CLTC: variants seen among roughly 807,000 people sequenced by gnomAD.
CLTC encodes the protein clathrin heavy chain.
In CLTC, 16 loss-of-function variants were observed where a neutral mutation model predicts 195.8. The ratio of observed to expected loss-of-function variants is 0.08; its 90% confidence interval spans 0.06 to 0.12. The LOEUF (loss-of-function observed/expected upper bound fraction) is 0.12, where lower values mean the gene tolerates loss of function less well. Ranked by LOEUF, CLTC falls within the 10% of genes least tolerant of loss-of-function variation. The pLI, the probability that CLTC is intolerant of heterozygous loss-of-function variation, is 1.00. For synonymous variants in CLTC, 667 were observed against 689.4 expected, an observed-to-expected ratio of 0.97 and a Z score of 0.51; for missense variants, 796 against 2,027.0, an observed-to-expected ratio of 0.39 and a Z score of 11.66.
intron 1 of CLTC, among the ~76,000 whole-genome samples, chr17:59,625,239 G>A (rs1197046600): frequency 1.3e-5 from 2 of 151,640 alleles, no homozygotes; most frequent in African/African-American, 2.4e-5. Flanking sequence ...CTCCCGAGTC[G>A]CTGGGACTAC....
intron 1 of CLTC, among the ~76,000 whole-genome samples, chr17:59,630,623 CTATGGATTTACCTGT>C (rs1243506198): frequency 4.6e-5 from 7 of 152,178 alleles, no homozygotes; most frequent in Non-Finnish European, 7.3e-5. Flanking sequence ...CTTTTTGTCT[CTATGGATTTACCTGT>C]TCTGGATATT....
At position 59,620,117 on chromosome 17, in the gene CLTC, AC is replaced by A; in HGVS notation, c.-10del. On this transcript the variant is annotated 5_prime_UTR_variant, in exon 1 of 32. Coordinates refer to ENST00000269122, the MANE Select transcript of CLTC (RefSeq NM_004859.4). ...GCCCCAGTGACAGGAGGAGACCATA[AC>A]CCCCGACAGCGCCATGGCCCAGATT... The A allele has an allele frequency of 6.2e-7, 1 of 1,613,088 alleles. No homozygotes were observed. The highest frequency in any genetic ancestry group is 8.5e-7 in the Non-Finnish European group (1 of 1,179,672).
At chr17:59,692,940 A>G (rs1401832914) in intron 31 of CLTC, among the ~76,000 whole-genome samples, 4 of 152,072 alleles carry the variant, frequency 2.6e-5, no homozygotes, top group Non-Finnish European at 2.9e-5. Flanking sequence ...GCCCGGCCCA[A>G]ATGTGTCTTA....
rs534179029 is a variant in CLTC at position 59,682,564 on chromosome 17, A to G, written c.3601-65A>G. On this transcript the variant is annotated intron_variant, in intron 22 of 31. Coordinates refer to ENST00000269122, the MANE Select transcript of CLTC (RefSeq NM_004859.4). This position sits in a 1 kb window ranked among gnomAD's most constrained non-coding sequence, Gnocchi z 6.8. ...ATTCTTTCTCATTGTGAAGATATCA[A>G]TTTGAAAAGAGGATTAAGCTCACAC... The G allele has an allele frequency of 1.3e-6, 2 of 1,586,888 alleles. No individual in the cohort carries two copies. The highest frequency in any genetic ancestry group is 1.4e-5 in the African/African-American group (1 of 73,862).
chr17:59,627,716 A>G (rs937732237), intron 1 of CLTC, among the ~76,000 whole-genome samples: 3 of 152,174 alleles, frequency 2.0e-5, no homozygotes, highest in African/African-American at 7.2e-5. Flanking sequence ...TTCCTATTGG[A>G]AAATTGTGCA....
chr17:59,678,720 G>A (rs2033018028), intron 17 of CLTC, among the ~76,000 whole-genome samples: 1 of 152,246 alleles, frequency 6.6e-6, no homozygotes, highest in Admixed American at 6.5e-5. Flanking sequence ...CCAAGATCTG[G>A]GCCAGGTGAG....
intron 1 of CLTC, among the ~76,000 whole-genome samples, chr17:59,621,256 T>C (rs1047472525): frequency 2.0e-5 from 3 of 152,230 alleles, no homozygotes; most frequent in African/African-American, 7.2e-5. Flanking sequence ...GTGTCACCAA[T>C]CCTGTTTTTT....
chr17:59,634,013 A>G (rs187970197), intron 1 of CLTC, among the ~76,000 whole-genome samples: 18 of 152,222 alleles, frequency 1.2e-4, no homozygotes, highest in Admixed American at 6.5e-4. Context: ...GACTCAAACA[A>G]TCTTCCCACC....
rs199716231 is a variant in CLTC, at chr17:59,681,076, C to T, written c.3065+19C>T. On this transcript the variant is annotated intron_variant, in intron 19 of 31. Coordinates refer to ENST00000269122, the MANE Select transcript of CLTC (RefSeq NM_004859.4). The surrounding 1 kb of genome is among the most constrained non-coding windows in gnomAD (Gnocchi z 5.0). ...AACACAGGTATGCTTTCAGAGGGAT[C>T]CATTGGCTATTTATAGTCAGTCTTT... 1 of 1,610,560 alleles carries T rather than the reference C, an allele frequency of 6.2e-7. No individual in the cohort carries two copies. The highest frequency in any genetic ancestry group is 1.7e-5 in the Admixed American group (1 of 59,332).
At chr17:59,691,771 G>A (rs1399361074) in intron 31 of CLTC, among the ~76,000 whole-genome samples, 2 of 151,546 alleles carry the variant, frequency 1.3e-5, no homozygotes, top group African/African-American at 2.4e-5. Context: ...TTAGAGGACA[G>A]GATAGTTTTG....
chr17:59,676,898 AGT>A, intron 16 of CLTC, 54 bp from the exon 17 acceptor site: 2 of 1,271,506 alleles, frequency 1.6e-6, no homozygotes, highest in Non-Finnish European at 2.3e-6. Flanking sequence ...GCATGTCAAG[AGT>A]GTGTTATTTA....
Position 59,649,497 on chromosome 17 carries a change from A to G in CLTC, c.681+1096A>G, listed in dbSNP as rs184987131. ...TGGTGTTTGGTGCTCCTAAAACAGA[A>G]GGCTGGTTCTACCACCAACAAAACT... is the stretch of plus-strand genomic sequence containing the variant. On this transcript the variant is annotated intron_variant, in intron 4 of 31. Coordinates refer to ENST00000269122, the MANE Select transcript of CLTC (RefSeq NM_004859.4). 5.9e-5 allele frequency among the ~76,000 whole-genome samples: 9 copies of G among 152,356 alleles called. No individual in the cohort carries two copies. The East Asian group carries it at 1.7e-3, about 29-fold the overall frequency.
At chr17:59,664,572 A>T in intron 9 of CLTC, 1 of 421,954 alleles carries the variant, frequency 2.4e-6, no homozygotes, top group Non-Finnish European at 4.1e-6. Flanking sequence ...AAAAAAGAAA[A>T]GAAAAGAAAA....
At chr17:59,670,439 C>T (rs545756618) in intron 14 of CLTC, among the ~76,000 whole-genome samples, 1 of 152,152 alleles carries the variant, frequency 6.6e-6, no homozygotes, top group East Asian at 1.9e-4. Context: ...CCTCTCCCTC[C>T]TCCCATCCTC....
At chr17:59,661,775 A>G (rs1323468088) in intron 8 of CLTC, 132 bp downstream of exon 8, 1 of 750,390 alleles carries the variant, frequency 1.3e-6, no homozygotes, top group African/African-American at 1.8e-5. Context: ...CACACATTGC[A>G]TAAGATGGAT....
chr17:59,669,677 AC>A (rs1198397533), intron 14 of CLTC, among the ~76,000 whole-genome samples: 29 of 152,094 alleles, frequency 1.9e-4, no homozygotes, highest in Non-Finnish European at 1.5e-5. Context: ...ACTACAGAAC[AC>A]TTAGATTACT....
chr17:59,683,332 TTTTAAGG>T lies in CLTC; in HGVS notation c.4042-54_4042-48del. 5.6e-6 allele frequency: 9 copies of T among 1,601,838 alleles called. No homozygotes were observed. The highest frequency in any genetic ancestry group is 7.7e-6 in the Non-Finnish European group (9 of 1,173,824). On this transcript the variant is annotated intron_variant, in intron 25 of 31. Transcript: ENST00000269122. The surrounding 1 kb of genome is among the most constrained non-coding windows in gnomAD (Gnocchi z 6.1). ...CTAATGCTTCAAAATATCTTATTCT[TTTTAAGG>T]CTGTTAGCTAGACTCATATCTAAAG...
At chr17:59,643,079 C>T (rs1477281507) in intron 1 of CLTC, among the ~76,000 whole-genome samples, 2 of 150,104 alleles carry the variant, frequency 1.3e-5, no homozygotes, top group African/African-American at 4.9e-5. Context: ...TGCTAGAGGA[C>T]AAGGGTGACA....
chr17:59,637,389 T>C (rs56369272), intron 1 of CLTC, among the ~76,000 whole-genome samples: 116,230 of 150,332 alleles, frequency 0.77, 45,922 homozygotes, highest in East Asian at 0.93. Flanking sequence ...GGACTACAGG[T>C]GCCCGTCACC....
Sources: allele counts gnomAD v4.1 joint callset (sites outside exome capture counted in the v4.1 genomes callset), GRCh38; gene constraint gnomAD v4.1.1; non-coding constraint Gnocchi (gnomAD v3.1); transcripts MANE v1.5; gene names NCBI Gene and HGNC (gene_info 2026-07-23, HGNC 2026-07-21).